Variants in SCHIP1 observed in about 807,000 individuals in gnomAD.
SCHIP1 encodes schwannomin-interacting protein 1.
In SCHIP1, 8 loss-of-function variants were observed where a neutral mutation model predicts 29.7. The ratio of observed to expected loss-of-function variants is 0.27; its 90% CI spans 0.16 to 0.49. The LOEUF (loss-of-function observed/expected upper bound fraction) is 0.49, where lower values mean the gene tolerates loss of function less well. Among genes scored for constraint, SCHIP1 ranks in the 20% least tolerant of loss-of-function variants. The pLI, the probability that SCHIP1 is intolerant of heterozygous loss-of-function variation, is 0.99. For missense variants in SCHIP1, 193 were observed against 294.6 expected (o/e 0.66, Z 2.52); for synonymous variants, 76 against 94.9 (o/e 0.80, Z 1.16).
the SCHIP1 span, among the ~76,000 whole-genome samples, chr3:159,465,582 A>T: frequency 6.6e-6 from 1 of 152,076 alleles, no homozygotes; most frequent in East Asian, 1.9e-4. Context: ...TACCTGGGGG[A>T]TAAATACTGA....
chr3:159,713,254 A>AAG, the SCHIP1 span, among the ~76,000 whole-genome samples: 3 of 149,340 alleles, frequency 2.0e-5, no homozygotes, highest in Admixed American at 6.6e-5. Flanking sequence ...GAAAGAAAGA[A>AAG]AGAAAGAAAG....
the SCHIP1 span, among the ~76,000 whole-genome samples, chr3:159,473,224 A>G: frequency 1.3e-5 from 2 of 152,316 alleles, no homozygotes; most frequent in East Asian, 3.9e-4. Flanking sequence ...TTTTGGAAAC[A>G]GAAGAGACAA....
At chr3:159,805,412 C>T in the SCHIP1 span, among the ~76,000 whole-genome samples, 1 of 152,208 alleles carries the variant, frequency 6.6e-6, no homozygotes, top group African/African-American at 2.4e-5. Flanking sequence ...GCGGCTGTGA[C>T]ACACTCACAC....
chr3:159,761,267 T>G, the SCHIP1 span, among the ~76,000 whole-genome samples: 1 of 152,154 alleles, frequency 6.6e-6, no homozygotes, highest in African/African-American at 2.4e-5. Flanking sequence ...CGGCCTAGAC[T>G]GGGGTGGGGG....
chr3:159,498,566 G>A, the SCHIP1 span, among the ~76,000 whole-genome samples: 1 of 152,046 alleles, frequency 6.6e-6, no homozygotes, highest in African/African-American at 2.4e-5. Context: ...TTACATGGAA[G>A]TTTAGGAATG....
At chr3:159,633,585 A>G in the SCHIP1 span, among the ~76,000 whole-genome samples, 1 of 152,370 alleles carries the variant, frequency 6.6e-6, no homozygotes, top group South Asian at 2.1e-4. Context: ...CACTGGAAGC[A>G]TGAAAAGAAT....
the SCHIP1 span, among the ~76,000 whole-genome samples, chr3:159,696,074 A>G: frequency 6.6e-6 from 1 of 152,116 alleles, no homozygotes. Context: ...ATCTCTCCCT[A>G]TGCAACTTAT....
the SCHIP1 span, among the ~76,000 whole-genome samples, chr3:159,726,240 T>C: frequency 6.6e-6 from 1 of 152,176 alleles, no homozygotes; most frequent in Non-Finnish European, 1.5e-5. Flanking sequence ...ACAAAAAAAA[T>C]CAACTGTTAG....
chr3:159,695,442 C>A, the SCHIP1 span, among the ~76,000 whole-genome samples: 1 of 152,154 alleles, frequency 6.6e-6, no homozygotes, highest in South Asian at 2.1e-4. Context: ...TCACTCCAAT[C>A]CTGCGTTCTA....
chr3:159,446,526 C>A, the SCHIP1 span, among the ~76,000 whole-genome samples: 158 of 150,478 alleles, frequency 1.0e-3, 2 homozygotes, highest in African/African-American at 3.7e-3. Context: ...TGCATTACAG[C>A]AATACAATAT....
chr3:159,545,268 AGAG>A, the SCHIP1 span, among the ~76,000 whole-genome samples: 2 of 152,064 alleles, frequency 1.3e-5, no homozygotes, highest in Non-Finnish European at 2.9e-5. Context: ...GGGTGTTGCC[AGAG>A]GAGATTAACA....
the SCHIP1 span, among the ~76,000 whole-genome samples, chr3:159,474,138 T>C: frequency 6.6e-6 from 1 of 152,160 alleles, no homozygotes; most frequent in African/African-American, 2.4e-5. Flanking sequence ...CACTATCTGT[T>C]TGATGTCCTA....
chr3:159,535,965 C>T, the SCHIP1 span, among the ~76,000 whole-genome samples: 1 of 152,144 alleles, frequency 6.6e-6, no homozygotes, highest in African/African-American at 2.4e-5. Flanking sequence ...GGCTATGCAG[C>T]ATGGTAGCTA....
the SCHIP1 span, among the ~76,000 whole-genome samples, chr3:159,471,077 G>A: frequency 0.15 from 23,341 of 151,902 alleles, 2,019 homozygotes; most frequent in South Asian, 0.31. Flanking sequence ...CTAATTTATA[G>A]AAGGGTAAAT....
chr3:159,282,461 A>G, the SCHIP1 span, among the ~76,000 whole-genome samples: 1 of 135,504 alleles, frequency 7.4e-6, no homozygotes, highest in African/African-American at 2.8e-5. Context: ...TGCATATTTC[A>G]ATCTTTAGAA....
chr3:159,773,347 A>G, the SCHIP1 span, among the ~76,000 whole-genome samples: 1 of 152,194 alleles, frequency 6.6e-6, no homozygotes, highest in Non-Finnish European at 1.5e-5. Flanking sequence ...CTGGGAGATC[A>G]TCTCATCAAA....
the SCHIP1 span, among the ~76,000 whole-genome samples, chr3:159,338,270 G>T: frequency 1.3e-5 from 2 of 152,036 alleles, no homozygotes; most frequent in African/African-American, 4.8e-5. Flanking sequence ...CTTAAATAGT[G>T]GGGACAAGGA....
At chr3:159,508,723 G>A in the SCHIP1 span, among the ~76,000 whole-genome samples, 1 of 152,074 alleles carries the variant, frequency 6.6e-6, no homozygotes, top group Non-Finnish European at 1.5e-5. Context: ...ATTTTGTTAT[G>A]TACCCAGTAG....
the SCHIP1 span, among the ~76,000 whole-genome samples, chr3:159,822,672 C>T: frequency 4.8e-5 from 7 of 145,326 alleles, no homozygotes; most frequent in South Asian, 7.1e-4. Context: ...TGGCAAAAAC[C>T]GCAACTACTT....
Sources: gnomAD v4.1 joint callset for allele counts (sites outside exome capture counted in the v4.1 genomes callset) on GRCh38, gnomAD v4.1.1 for gene constraint, MANE v1.5 for transcripts, NCBI Gene and HGNC (gene_info 2026-07-23, HGNC 2026-07-21) for gene names.